Variants in SPAG16 observed in about 807,000 individuals in gnomAD.
The protein encoded by SPAG16 is sperm associated antigen 16, also known as sperm-associated antigen 16 protein.
SPAG16 carries 86 observed loss-of-function variants against 80.4 expected under a neutral mutation model. The ratio of observed to expected loss-of-function variants is 1.07; its 90% CI spans 0.90 to 1.28. The LOEUF (loss-of-function observed/expected upper bound fraction) is 1.28, where lower values mean the gene tolerates loss of function less well. SPAG16 is among the 50% of genes most tolerant of loss of function. SPAG16 has a pLI of 0.00. For synonymous variants in SPAG16, 294 were observed against 265.9 expected (o/e 1.11, Z -1.03); for missense variants, 870 against 765.3 (o/e 1.14, Z -1.61).
intron 14 of SPAG16, among the ~76,000 whole-genome samples, chr2:214,134,991 A>G (rs1204118077): frequency 1.3e-5 from 2 of 152,182 alleles, no homozygotes; most frequent in African/African-American, 4.8e-5. Flanking sequence ...CTTCCCTATT[A>G]TTTGTCCATA....
intron 10 of SPAG16, among the ~76,000 whole-genome samples, chr2:213,512,849 A>G (rs1288628777): frequency 6.6e-6 from 1 of 152,062 alleles, no homozygotes; most frequent in Non-Finnish European, 1.5e-5. Context: ...ACTGCCAACA[A>G]TCAAACCTAG....
At chr2:214,352,295 G>A (rs79040963) in intron 15 of SPAG16, among the ~76,000 whole-genome samples, 325 of 152,264 alleles carry the variant, frequency 2.1e-3, no homozygotes, top group African/African-American at 7.6e-3. Context: ...TGTCCTCACA[G>A]TTATCATCAT....
At chr2:214,227,359 C>T (rs1008239070) in intron 15 of SPAG16, among the ~76,000 whole-genome samples, 1 of 151,986 alleles carries the variant, frequency 6.6e-6, no homozygotes, top group African/African-American at 2.4e-5. Flanking sequence ...TACCTAAAAT[C>T]TGCTTTAGAC....
intron 10 of SPAG16, among the ~76,000 whole-genome samples, chr2:213,676,493 C>T (rs868567302): frequency 6.6e-5 from 10 of 151,498 alleles, no homozygotes; most frequent in African/African-American, 2.2e-4. Context: ...AGTTTTTGCC[C>T]ATTCAGTATG....
intron 10 of SPAG16, among the ~76,000 whole-genome samples, chr2:213,493,954 C>T (rs1345465280): frequency 6.6e-6 from 1 of 152,176 alleles, no homozygotes; most frequent in African/African-American, 2.4e-5. Flanking sequence ...TCTTCCTTTC[C>T]TCTCCTGAAA....
chr2:213,739,385 T>A (rs1355143068), intron 10 of SPAG16, among the ~76,000 whole-genome samples: 1 of 152,240 alleles, frequency 6.6e-6, no homozygotes, highest in Admixed American at 6.5e-5. Flanking sequence ...AATTCTCAAA[T>A]GCACATCTGT....
chr2:214,018,551 A>G (rs1408609993), intron 13 of SPAG16, among the ~76,000 whole-genome samples: 1 of 152,204 alleles, frequency 6.6e-6, no homozygotes, highest in African/African-American at 2.4e-5. Context: ...GATTTGCAAC[A>G]TCAACTGAAT....
intron 12 of SPAG16, among the ~76,000 whole-genome samples, chr2:213,976,535 A>G (rs1205009556): frequency 6.6e-6 from 1 of 152,106 alleles, no homozygotes; most frequent in Non-Finnish European, 1.5e-5. Flanking sequence ...AAATAGGGAT[A>G]TTAACCTAGA....
intron 11 of SPAG16, among the ~76,000 whole-genome samples, chr2:213,881,955 G>A (rs909666350): frequency 3.3e-5 from 5 of 152,100 alleles, no homozygotes; most frequent in Non-Finnish European, 4.4e-5. Context: ...TTCAGTATGA[G>A]GTTGGCTGTT....
chr2:214,014,201 A>G, intron 13 of SPAG16, 124 bp downstream of exon 13: 1 of 1,222,608 alleles, frequency 8.2e-7, no homozygotes, highest in Non-Finnish European at 1.1e-6. Context: ...AAAGAACAGT[A>G]AAAAGTTCAT....
chr2:213,498,400 C>T (rs2074587120), intron 10 of SPAG16, among the ~76,000 whole-genome samples: 1 of 151,956 alleles, frequency 6.6e-6, no homozygotes, highest in South Asian at 2.1e-4. Flanking sequence ...TTGGCAATTT[C>T]TTATAGGGCC....
chr2:213,403,812 C>T lies in SPAG16; in HGVS notation c.942+28693C>T, dbSNP rs574697424. Among the ~76,000 whole-genome samples, 140 of 152,236 alleles carry T rather than the reference C, an allele frequency of 9.2e-4. 1 individual carries two copies. The highest frequency in any genetic ancestry group is 3.4e-3 in the Middle Eastern group (1 of 294). On this transcript the variant is annotated intron_variant, in intron 9 of 15. Transcript: ENST00000331683. ...TGATTGTATATCTAGAAAACCTCGT[C>T]GTCTCAGCCCAAAATCTCCTCAAGC...
intron 3 of SPAG16, among the ~76,000 whole-genome samples, chr2:213,301,362 T>G (rs533074609): frequency 1.3e-5 from 2 of 152,170 alleles, no homozygotes; most frequent in African/African-American, 2.4e-5. Flanking sequence ...AAAGTAACAT[T>G]TAAGTTTTAA....
intron 4 of SPAG16, among the ~76,000 whole-genome samples, chr2:213,312,745 A>C (rs2063247222): frequency 6.6e-6 from 1 of 151,774 alleles, no homozygotes; most frequent in Non-Finnish European, 1.5e-5. Context: ...TAATAATGGA[A>C]GAGATTGTAA....
At chr2:213,515,341 C>T (rs60060007) in intron 10 of SPAG16, among the ~76,000 whole-genome samples, 8,949 of 152,014 alleles carry the variant, frequency 0.059, 872 homozygotes, top group African/African-American at 0.2. Flanking sequence ...TTGTTAGATG[C>T]GAGGAAGTCA....
intron 10 of SPAG16, among the ~76,000 whole-genome samples, chr2:213,598,605 A>C (rs1214563417): frequency 6.6e-6 from 1 of 152,124 alleles, no homozygotes. Flanking sequence ...CCTCTCATGA[A>C]TTGTTTCTTA....
intron 13 of SPAG16, among the ~76,000 whole-genome samples, chr2:214,060,142 G>C (rs1406550705): frequency 1.3e-5 from 2 of 152,096 alleles, no homozygotes; most frequent in Admixed American, 6.5e-5. Flanking sequence ...GAGATTTGTA[G>C]ATTTCAGTTG....
intron 13 of SPAG16, among the ~76,000 whole-genome samples, chr2:214,080,663 A>T (rs1013124096): frequency 4.6e-5 from 7 of 151,966 alleles, no homozygotes; most frequent in Non-Finnish European, 1.0e-4. Context: ...TTCTAACCAC[A>T]TTAAAGCTAT....
chr2:214,101,363 G>T (rs2053016450), intron 13 of SPAG16, among the ~76,000 whole-genome samples: 1 of 152,032 alleles, frequency 6.6e-6, no homozygotes, highest in Admixed American at 6.6e-5. Context: ...GGGCATTCCT[G>T]CTGGTCTTCC....
Sources: allele counts gnomAD v4.1 joint callset (sites outside exome capture counted in the v4.1 genomes callset), GRCh38; gene constraint gnomAD v4.1.1; transcripts MANE v1.5; gene names NCBI Gene and HGNC (gene_info 2026-07-23, HGNC 2026-07-21).